Variants in WDR41 observed in about 807,000 individuals in gnomAD.
WDR41 encodes the protein WD repeat-containing protein 41.
WDR41 carries 63 observed loss-of-function variants against 69.3 expected under a neutral mutation model. That is an observed-to-expected ratio of 0.91 (90% CI 0.74 to 1.12). The LOEUF (loss-of-function observed/expected upper bound fraction) is 1.12, where lower values mean the gene tolerates loss of function less well. Among genes scored for constraint, WDR41 ranks in the 50% most tolerant of loss-of-function variants. WDR41 has a pLI of 0.00. For missense variants in WDR41, 543 were observed against 534.5 expected (o/e 1.02, Z -0.16); for synonymous variants, 185 against 192.1 (o/e 0.96, Z 0.31).
intron 8 of WDR41, among the ~76,000 whole-genome samples, chr5:77,444,081 T>C (rs879304703): frequency 1.3e-5 from 2 of 152,054 alleles, no homozygotes; most frequent in Non-Finnish European, 2.9e-5. Flanking sequence ...GGTTTCGCCA[T>C]GTTGGCCAGG....
chr5:77,489,454 T>C lies in WDR41; in HGVS notation c.167+3A>G. 6.4e-7 allele frequency: 1 copy of C among 1,571,388 alleles called. No homozygotes were observed. The highest frequency in any genetic ancestry group is 8.7e-7 in the Non-Finnish European group (1 of 1,152,324). On this transcript the variant is annotated splice_donor_region_variant and intron_variant, in intron 2 of 12. Coordinates refer to ENST00000296679, the MANE Select transcript of WDR41 (RefSeq NM_018268.4). ...AGTCAATTAGACCACTATAGCTTCT[T>C]ACCTGTAGTCATCTAACTGTACCAG... is the stretch of plus-strand genomic sequence containing the variant.
At chr5:77,557,869 A>G (rs1353036531) in intron 1 of WDR41, among the ~76,000 whole-genome samples, 1 of 152,204 alleles carries the variant, frequency 6.6e-6, no homozygotes, top group Non-Finnish European at 1.5e-5. Flanking sequence ...GTTAAAAGTA[A>G]TGACTTATAG....
intron 1 of WDR41, among the ~76,000 whole-genome samples, chr5:77,508,053 TG>T (rs199831251): frequency 0.018 from 2,746 of 152,308 alleles, 34 homozygotes; most frequent in Middle Eastern, 0.061. Context: ...TTTTTTATTT[TG>T]GTTATTTCAC....
intron 2 of WDR41, among the ~76,000 whole-genome samples, chr5:77,480,647 G>T (rs998752198): frequency 1.3e-5 from 2 of 149,420 alleles, no homozygotes; most frequent in Admixed American, 1.3e-4. Flanking sequence ...ACACAGGAAG[G>T]GGAACATCAC....
chr5:77,465,739 A>G (rs1405239089), intron 2 of WDR41, among the ~76,000 whole-genome samples: 1 of 147,840 alleles, frequency 6.8e-6, no homozygotes, highest in African/African-American at 2.5e-5. Flanking sequence ...TTTTTTCAGT[A>G]TGAGAGAAAG....
At chr5:77,507,708 T>C (rs1163138888) in intron 1 of WDR41, among the ~76,000 whole-genome samples, 1 of 152,204 alleles carries the variant, frequency 6.6e-6, no homozygotes, top group Non-Finnish European at 1.5e-5. Context: ...GGAATTCCAT[T>C]TCTTCTTCAT....
At chr5:77,604,088 A>AT (rs879820442) in intron 1 of WDR41, among the ~76,000 whole-genome samples, 166 of 151,684 alleles carry the variant, frequency 1.1e-3, no homozygotes, top group Non-Finnish European at 2.2e-3. Context: ...GAATTTTAGG[A>AT]TTTTTTTTCT....
intron 4 of WDR41, among the ~76,000 whole-genome samples, chr5:77,459,446 A>G (rs986559852): frequency 6.6e-6 from 1 of 152,180 alleles, no homozygotes; most frequent in Admixed American, 6.5e-5. Context: ...TCTCCAGAAT[A>G]GCCCACCATA....
chr5:77,600,495 C>CTATA (rs1229327702), intron 1 of WDR41, among the ~76,000 whole-genome samples: 1 of 152,026 alleles, frequency 6.6e-6, no homozygotes, highest in Non-Finnish European at 1.5e-5. Flanking sequence ...TAAAAATATC[C>CTATA]TATATATTGA....
chr5:77,436,252 C>T lies in WDR41; in HGVS notation c.1227+9G>A. ...GTTGCTTGGACATTCTGTGGCTAAA[C>T]AGCAATACCTCCACAGATGATGAGT... On this transcript the variant is annotated intron_variant, in intron 12 of 12. Coordinates refer to ENST00000296679, the MANE Select transcript of WDR41 (RefSeq NM_018268.4). The T allele has an allele frequency of 1.9e-6, 3 of 1,606,150 alleles. No individual in the cohort carries two copies. Among genetic ancestry groups the T allele is most frequent in the Non-Finnish European group, 2.6e-6 (3 of 1,175,208 alleles).
chr5:77,487,932 C>T (rs914428483), intron 2 of WDR41, among the ~76,000 whole-genome samples: 3 of 152,176 alleles, frequency 2.0e-5, no homozygotes, highest in Non-Finnish European at 2.9e-5. Context: ...CACTGATGTT[C>T]CAAGAGGGCG....
At chr5:77,438,765 G>C (rs977335503) in intron 9 of WDR41, among the ~76,000 whole-genome samples, 1 of 152,004 alleles carries the variant, frequency 6.6e-6, no homozygotes, top group African/African-American at 2.4e-5. Context: ...AAAAATGCAA[G>C]CAAAATTACT....
At chr5:77,519,145 C>A (rs1381017155) in intron 1 of WDR41, among the ~76,000 whole-genome samples, 1 of 151,752 alleles carries the variant, frequency 6.6e-6, no homozygotes, top group Non-Finnish European at 1.5e-5. Flanking sequence ...GTAATGAATA[C>A]AAAAAGGAAA....
At chr5:77,488,336 G>A (rs1440506897) in intron 2 of WDR41, among the ~76,000 whole-genome samples, 1 of 152,016 alleles carries the variant, frequency 6.6e-6, no homozygotes, top group Non-Finnish European at 1.5e-5. Context: ...CACGGTGGCT[G>A]ATGCCTGTAA....
chr5:77,566,624 G>A (rs1277799125), intron 1 of WDR41, among the ~76,000 whole-genome samples: 1 of 152,098 alleles, frequency 6.6e-6, no homozygotes, highest in Non-Finnish European at 1.5e-5. Flanking sequence ...TGAGTTTGAG[G>A]GTGTGGTGCA....
chr5:77,617,488 AAT>A (rs1744699495), intron 1 of WDR41, among the ~76,000 whole-genome samples: 1 of 152,240 alleles, frequency 6.6e-6, no homozygotes, highest in South Asian at 2.1e-4. Flanking sequence ...TGAGTGAATA[AAT>A]ATGTTTATAT....
chr5:77,616,282 T>C (rs1364702680), intron 1 of WDR41, among the ~76,000 whole-genome samples: 1 of 152,214 alleles, frequency 6.6e-6, no homozygotes, highest in Non-Finnish European at 1.5e-5. Context: ...GTGATAAATA[T>C]GCCTGGCACC....
chr5:77,582,310 GAT>G (rs1743952897), intron 1 of WDR41: 2 of 1,437,456 alleles, frequency 1.4e-6, no homozygotes, highest in Non-Finnish European at 1.9e-6. Context: ...AATATGCATA[GAT>G]ATATAACAAG....
At chr5:77,488,072 C>T (rs1249847174) in intron 2 of WDR41, among the ~76,000 whole-genome samples, 1 of 152,136 alleles carries the variant, frequency 6.6e-6, no homozygotes, top group Non-Finnish European at 1.5e-5. Flanking sequence ...TAGTGCTTTC[C>T]TCAGTTCTGT....
Sources: allele counts gnomAD v4.1 joint callset (sites outside exome capture counted in the v4.1 genomes callset), GRCh38; gene constraint gnomAD v4.1.1; transcripts MANE v1.5; gene names NCBI Gene and HGNC (gene_info 2026-07-23, HGNC 2026-07-21).